The following CLVS2 variants were observed in gnomAD, a reference collection of about 807,000 sequenced individuals.
CLVS2 encodes clavesin-2.
A neutral mutation model predicts 29.0 loss-of-function variants in CLVS2; 19 were observed. That is an observed-to-expected ratio of 0.66 (90% CI 0.46 to 0.96). The LOEUF (loss-of-function observed/expected upper bound fraction) is 0.96. CLVS2 is among the 40% of genes least tolerant of loss of function. The probability of loss-of-function intolerance (pLI) is 0.00; values close to 1 mark genes in which losing one functional copy is unlikely to be tolerated. For synonymous variants in CLVS2, 161 were observed against 151.3 expected, an observed-to-expected ratio of 1.06 and a Z score of -0.47; for missense variants, 294 against 404.1, an observed-to-expected ratio of 0.73 and a Z score of 2.34.
intron 5 of CLVS2, among the ~76,000 whole-genome samples, chr6:123,059,690 A>G (rs1487147816): frequency 1.3e-5 from 2 of 152,146 alleles, no homozygotes; most frequent in African/African-American, 4.8e-5. Context: ...GGGGTTCCTA[A>G]AACTGGAAAG....
At chr6:123,034,461 A>T (rs1012003730) in intron 3 of CLVS2, among the ~76,000 whole-genome samples, 4 of 152,174 alleles carry the variant, frequency 2.6e-5, no homozygotes, top group African/African-American at 7.2e-5. Flanking sequence ...AGAAAAGCCA[A>T]TCTCAAAAGG....
chr6:123,007,711 C>A (rs1176788674), intron 2 of CLVS2, among the ~76,000 whole-genome samples: 1 of 152,136 alleles, frequency 6.6e-6, no homozygotes, highest in Admixed American at 6.6e-5. Flanking sequence ...TTTCTTCTTA[C>A]TGCATGCTAC....
At chr6:123,021,724 G>A (rs1582650115) in intron 3 of CLVS2, among the ~76,000 whole-genome samples, 1 of 152,062 alleles carries the variant, frequency 6.6e-6, no homozygotes, top group African/African-American at 2.4e-5. Flanking sequence ...GAAGGACCTG[G>A]TTGCCTACGC....
At chr6:123,010,246 C>T (rs1412071426) in intron 2 of CLVS2, among the ~76,000 whole-genome samples, 3 of 151,974 alleles carry the variant, frequency 2.0e-5, no homozygotes, top group African/African-American at 7.2e-5. Context: ...TCTTAATCTC[C>T]AACCAGTGTC....
chr6:123,063,862 T>C lies in CLVS2; in HGVS notation c.*101T>C. ...GAATTACCAGCTGGAAACCGACTTA[T>C]TCATGTTAATGTAGCATAATATATA... On this transcript the variant is annotated 3_prime_UTR_variant, in exon 6 of 6. Coordinates refer to ENST00000275162, the MANE Select transcript of CLVS2 (RefSeq NM_001010852.4). 1 of 756,986 alleles carries C rather than the reference T, an allele frequency of 1.3e-6. No homozygotes were observed. Among genetic ancestry groups the C allele is most frequent in the Non-Finnish European group, 2.2e-6 (1 of 448,696 alleles). 46.9% of individuals were successfully genotyped at this position (756,986 alleles called of 1,614,324 possible).
chr6:123,025,285 A>C (rs965942685), intron 3 of CLVS2, among the ~76,000 whole-genome samples: 8 of 152,070 alleles, frequency 5.3e-5, no homozygotes, highest in Admixed American at 5.2e-4. Context: ...GGTGCAAAAA[A>C]ATGAATAAAT....
At chr6:123,005,898 T>G (rs922112289) in intron 2 of CLVS2, among the ~76,000 whole-genome samples, 4 of 152,200 alleles carry the variant, frequency 2.6e-5, no homozygotes, top group Admixed American at 1.3e-4. Flanking sequence ...AATGTAGATA[T>G]AGGTAAAATA....
chr6:123,055,831 A>C lies in CLVS2; in HGVS notation c.701A>C (p.Asn234Thr), dbSNP rs1250751506. ...KRIFLHGNNL[N>T]SLHQLIHPEI... ...ATATTTTTGCATGGTAACAACCTGA[A>C]CAGTCTACACCAACTAATTCATCCT... The change falls in exon 5 of 6, where the codon AAC (asparagine) becomes ACC (threonine). Residue 234 changes from asparagine (N) to threonine (T), a missense_variant. By Grantham distance (65) the Asn-to-Thr change is moderately conservative (BLOSUM62 0). Around this residue, in one of 2 missense-constraint regions of CLVS2, gnomAD observed 212 missense variants for 336.4 expected, o/e 0.63. Transcript: ENST00000275162. 6.2e-7 allele frequency: 1 copy of C among 1,613,750 alleles called. No homozygotes were observed. The highest frequency in any genetic ancestry group is 8.5e-7 in the Non-Finnish European group (1 of 1,179,822).
At chr6:123,021,325 C>T (rs1332421606) in intron 3 of CLVS2, among the ~76,000 whole-genome samples, 1 of 152,002 alleles carries the variant, frequency 6.6e-6, no homozygotes, top group Non-Finnish European at 1.5e-5. Flanking sequence ...TGAAATCTCT[C>T]TGTAAAAGAT....
At chr6:123,052,371 G>A (rs1266112586) in intron 4 of CLVS2, among the ~76,000 whole-genome samples, 2 of 152,182 alleles carry the variant, frequency 1.3e-5, no homozygotes, top group African/African-American at 4.8e-5. Context: ...GTGCATAGAA[G>A]GAGATGGGTT....
intron 4 of CLVS2, among the ~76,000 whole-genome samples, chr6:123,055,555 C>G (rs933554989): frequency 6.6e-6 from 1 of 152,166 alleles, no homozygotes; most frequent in African/African-American, 2.4e-5. Context: ...GGTTGCAGCT[C>G]TTTTACCCAA....
chr6:123,025,144 C>T (rs368628105), intron 3 of CLVS2, among the ~76,000 whole-genome samples: 18 of 151,982 alleles, frequency 1.2e-4, no homozygotes, highest in South Asian at 4.1e-4. Flanking sequence ...TAACTAAACA[C>T]GAGAATAAGG....
chr6:123,006,161 T>G (rs1459971902), intron 2 of CLVS2, among the ~76,000 whole-genome samples: 1 of 152,104 alleles, frequency 6.6e-6, no homozygotes, highest in Non-Finnish European at 1.5e-5. Flanking sequence ...GGAAAGCTGG[T>G]GGCGGGCCCA....
At position 123,067,792 on chromosome 6, in the gene CLVS2, G is replaced by T. The variant is rs1370509348; in HGVS notation, c.*4031G>T. ...TATAAACCAACATATTGGAACAAAA[G>T]AAGATTGGTTAAATATGCAAGGTGT... On this transcript the variant is annotated 3_prime_UTR_variant, in exon 6 of 6. Coordinates refer to ENST00000275162, the MANE Select transcript of CLVS2 (RefSeq NM_001010852.4). The T allele has an allele frequency of 6.6e-6, 1 of 151,730 alleles. No individual in the cohort carries two copies. 9.4% of individuals were successfully genotyped at this position (151,730 alleles called of 1,614,324 possible).
intron 3 of CLVS2, among the ~76,000 whole-genome samples, chr6:123,035,243 T>C (rs1668919791): frequency 6.6e-6 from 1 of 152,070 alleles, no homozygotes; most frequent in South Asian, 2.1e-4. Context: ...AAGGGTTTTT[T>C]GATTTTTTTT....
chr6:123,002,554 A>G (rs556836411), intron 2 of CLVS2, among the ~76,000 whole-genome samples: 1 of 149,646 alleles, frequency 6.7e-6, no homozygotes, highest in Non-Finnish European at 1.5e-5. Context: ...CCAATCACAA[A>G]GCTTTACTCA....
At chr6:123,030,514 G>C (rs955159906) in intron 3 of CLVS2, among the ~76,000 whole-genome samples, 3 of 152,138 alleles carry the variant, frequency 2.0e-5, no homozygotes, top group African/African-American at 7.2e-5. Context: ...TGCTGGCTGA[G>C]CATAAAGGTC....
rs58103603 is a variant in CLVS2, at chr6:123,016,021, CTTTTTTTTTT to C, written c.564+4880_564+4889del. 4.7e-4 allele frequency among the ~76,000 whole-genome samples: 24 copies of C among 50,822 alleles called. No homozygotes were observed. In the South Asian group the frequency reaches 5.1e-3, roughly 11 times the overall value. 33.3% of individuals were successfully genotyped at this position (50,822 alleles called of 152,430 possible). ...GTGATAGGTAAGGCACAACATCAGA[CTTTTTTTTTT>C]TTTTTTTTTTTTTTTTTGTGGAAAG... is the stretch of plus-strand genomic sequence containing the variant. On this transcript the variant is annotated intron_variant, in intron 3 of 5. Transcript: ENST00000275162.
chr6:123,034,904 T>A (rs1047787885), intron 3 of CLVS2, among the ~76,000 whole-genome samples: 4 of 151,934 alleles, frequency 2.6e-5, no homozygotes, highest in African/African-American at 4.8e-5. Flanking sequence ...TGAAAAAAAA[T>A]AATAAATCAA....
Sources: allele counts gnomAD v4.1 joint callset (sites outside exome capture counted in the v4.1 genomes callset), GRCh38; gene constraint gnomAD v4.1.1; regional missense constraint gnomAD v4.1.1; transcripts MANE v1.5; gene names NCBI Gene and HGNC (gene_info 2026-07-23, HGNC 2026-07-21).